Variants in TRMO observed in about 807,000 individuals in gnomAD.
TRMO encodes tRNA methyltransferase O, also known as tRNA (adenine(37)-N6)-methyltransferase.
Under a neutral mutation model 37.2 loss-of-function variants are expected in TRMO, and 30 were observed. That is an observed-to-expected ratio of 0.81 (90% CI 0.60 to 1.09). The LOEUF is 1.09. TRMO is among the 50% of genes least tolerant of loss of function. The pLI is 0.00. For synonymous variants in TRMO, 239 were observed against 199.4 expected, an observed-to-expected ratio of 1.20 and a Z score of -1.67; for missense variants, 552 against 549.5, an observed-to-expected ratio of 1.00 and a Z score of -0.05.
At position 97,904,581 on chromosome 9, in the gene TRMO, G is replaced by T; in HGVS notation, c.*152C>A. ...CTTTGTTAAGTTTATTAATGTATAC[G>T]TTTTTCAAATAAACATTTTGAACAG... is the stretch of plus-strand genomic sequence containing the variant. On this transcript the variant is annotated 3_prime_UTR_variant, in exon 5 of 5. Transcript: ENST00000375119. 8 of 1,480,762 alleles carry T rather than the reference G, an allele frequency of 5.4e-6. No individual in the cohort carries two copies. The highest frequency in any genetic ancestry group is 7.1e-6 in the Non-Finnish European group (8 of 1,120,818). The allele number at this position is 1,480,762 out of a possible 1,614,324, so 91.7% of individuals were successfully genotyped here.
At position 97,922,422 on chromosome 9, in the gene TRMO, C is replaced by A; in HGVS notation, c.72G>T (p.Glu24Asp). 1 of 1,580,342 alleles carries A rather than the reference C, an allele frequency of 6.3e-7. No individual in the cohort carries two copies. Among genetic ancestry groups the A allele is most frequent in the East Asian group, 2.3e-5 (1 of 43,638 alleles). Residue 24 changes from glutamate to aspartate, a missense_variant, in exon 1 of 5, where the codon GAG becomes GAT. By Grantham distance (45) the Glu-to-Asp change is conservative (BLOSUM62 2). Coordinates refer to ENST00000375119, the MANE Select transcript of TRMO (RefSeq NM_016481.5). ...TPCGCVKPAL[E>D]TGNLLTEPVG... is the part of the protein sequence containing the mutation. ...ACCGCCGGTGTTGGAAGTTACCTGTCTCCAGAGCCGGCTTAACGCAGCCGC... is the reference window on the plus strand; with the variant it reads ...ACCGCCGGTGTTGGAAGTTACCTGTATCCAGAGCCGGCTTAACGCAGCCGC...
Position 97,910,150 on chromosome 9 carries a change from C to T in TRMO, c.876G>A (p.Val292=). The part of the protein sequence containing the change: ...EKGTDKKLER[V]EGAAVLQGSR... ...TTCCTTGCAAGACTGCTGCTCCTTCCACTCTTTCTAGCTTCTTGTCTGTAC... is the reference window on the plus strand; with the variant it reads ...TTCCTTGCAAGACTGCTGCTCCTTCTACTCTTTCTAGCTTCTTGTCTGTAC... Residue 292 remains valine (V), a synonymous_variant, in exon 4 of 5, where the codon GTG becomes GTA. Coordinates refer to ENST00000375119, the MANE Select transcript of TRMO (RefSeq NM_016481.5). 6.2e-7 allele frequency: 1 copy of T among 1,614,196 alleles called. No individual in the cohort carries two copies.
intron 4 of TRMO, among the ~76,000 whole-genome samples, chr9:97,908,219 T>C (rs1825943954): frequency 1.3e-5 from 2 of 152,158 alleles, no homozygotes; most frequent in Non-Finnish European, 1.5e-5. Flanking sequence ...GAGACCATCC[T>C]GCCTAACACG....
chr9:97,904,942 G>A lies in TRMO; in HGVS notation c.1117C>T (p.Arg373Cys), dbSNP rs772505221. ...GCTGACAGCACAGCCTCAATGGCAC[G>A]CTTTGCTTCCTCTGCTGACTGAAAA... ...KYFQSAEEAK[R>C]AIEAVLSADP... Residue 373 changes from arginine to cysteine, a missense_variant, in exon 5 of 5, where the codon CGT becomes TGT. Physicochemically the swap from Arg to Cys is radical, Grantham distance 180 (BLOSUM62 -3). Transcript: ENST00000375119. 7 of 1,614,002 alleles carry A rather than the reference G, an allele frequency of 4.3e-6. No individual in the cohort carries two copies. Among genetic ancestry groups the A allele is most frequent in the Non-Finnish European group, 5.9e-6 (7 of 1,180,004 alleles).
chr9:97,914,763 A>G (rs1321909990), intron 2 of TRMO, among the ~76,000 whole-genome samples: 2 of 152,192 alleles, frequency 1.3e-5, no homozygotes, highest in Non-Finnish European at 2.9e-5. Flanking sequence ...CTTTTTTAAA[A>G]AAAGCAAATA....
chr9:97,915,807 A>T (rs1217779082), intron 2 of TRMO: 3 of 161,868 alleles, frequency 1.9e-5, no homozygotes, highest in Admixed American at 1.3e-4. Context: ...AAAATAAAAA[A>T]AAATAAAAAA....
downstream of TRMO, among the ~76,000 whole-genome samples, chr9:97,901,894 C>T (rs962727318): frequency 6.6e-6 from 1 of 152,140 alleles, no homozygotes; most frequent in African/African-American, 2.4e-5. Flanking sequence ...TGCACATTTC[C>T]TCACAAAGGA....
intron 3 of TRMO, chr9:97,911,915 GTTA>G: frequency 6.6e-6 from 1 of 152,292 alleles, no homozygotes; most frequent in Middle Eastern, 3.4e-3. Flanking sequence ...TCTGAAACAT[GTTA>G]TTATGAATGA....
intron 1 of TRMO, among the ~76,000 whole-genome samples, chr9:97,922,102 C>G (rs1166505441): frequency 2.6e-5 from 4 of 152,182 alleles, no homozygotes; most frequent in African/African-American, 9.7e-5. Flanking sequence ...CCGCCTAACA[C>G]CATCTCCCAT....
chr9:97,902,801 T>TGTA (rs1825710673), downstream of TRMO, among the ~76,000 whole-genome samples: 1 of 152,092 alleles, frequency 6.6e-6, no homozygotes, highest in South Asian at 2.1e-4. Context: ...CAAACTAAAG[T>TGTA]GTAGGCTCTA....
the TRMO span, among the ~76,000 whole-genome samples, chr9:97,899,060 G>A: frequency 1.3e-5 from 2 of 151,614 alleles, no homozygotes; most frequent in Admixed American, 6.6e-5. Flanking sequence ...GGATGGTCTC[G>A]ATCTCCCGAC....
intron 3 of TRMO, chr9:97,912,668 G>C (rs1826177693): frequency 3.4e-6 from 1 of 291,248 alleles, no homozygotes; most frequent in East Asian, 9.3e-5. Context: ...TGGAATCACA[G>C]AGGAAGCAGG....
At chr9:97,899,005 A>C in the TRMO span, among the ~76,000 whole-genome samples, 2 of 151,200 alleles carry the variant, frequency 1.3e-5, no homozygotes, top group Non-Finnish European at 2.9e-5. Flanking sequence ...ACACCCGGCT[A>C]ATTTTTTTAT....
chr9:97,900,658 G>A (rs376844853), downstream of TRMO: 47 of 431,480 alleles, frequency 1.1e-4, 2 homozygotes, highest in African/African-American at 7.9e-4. Flanking sequence ...GCTTGAGCAC[G>A]TTACTCAACC....
At chr9:97,921,912 T>C (rs114272710) in intron 1 of TRMO, among the ~76,000 whole-genome samples, 62 of 152,310 alleles carry the variant, frequency 4.1e-4, no homozygotes, top group African/African-American at 1.5e-3. Context: ...TCCATTTGCT[T>C]TCCAGTTTCT....
intron 1 of TRMO, among the ~76,000 whole-genome samples, chr9:97,919,080 T>C (rs1242904898): frequency 1.3e-5 from 2 of 152,364 alleles, no homozygotes; most frequent in East Asian, 3.9e-4. Flanking sequence ...ACTTTAATTT[T>C]TGTTCAAGTA....
chr9:97,898,913 C>T, the TRMO span, among the ~76,000 whole-genome samples: 98 of 134,904 alleles, frequency 7.3e-4, no homozygotes, highest in African/African-American at 2.7e-3. Flanking sequence ...CATCTCGGCT[C>T]ACTGCAAGCT....
chr9:97,911,472 C>T (rs1826122535), intron 3 of TRMO: 1 of 152,392 alleles, frequency 6.6e-6, no homozygotes, highest in Non-Finnish European at 1.5e-5. Flanking sequence ...GCAGATTCTT[C>T]CATGGTCAAG....
chr9:97,901,757 T>TAAAAAA (rs11375112), downstream of TRMO, among the ~76,000 whole-genome samples: 1 of 144,590 alleles, frequency 6.9e-6, no homozygotes, highest in Non-Finnish European at 1.5e-5. Flanking sequence ...TCTCAAAGGC[T>TAAAAAA]AAAAAAAAAA....
Sources: allele counts gnomAD v4.1 joint callset (sites outside exome capture counted in the v4.1 genomes callset), GRCh38; gene constraint gnomAD v4.1.1; transcripts MANE v1.5; gene names NCBI Gene and HGNC (gene_info 2026-07-23, HGNC 2026-07-21).